CEP135: variants seen among roughly 807,000 people sequenced by gnomAD.
CEP135 encodes the protein centrosomal protein 135.
In CEP135, 142 loss-of-function variants were observed where a neutral mutation model predicts 157.3. The observed-to-expected ratio is 0.90, with a 90% CI of 0.79 to 1.04. The LOEUF (loss-of-function observed/expected upper bound fraction) is 1.04. Among genes scored for constraint, CEP135 ranks in the 50% least tolerant of loss-of-function variants. The pLI, the probability that CEP135 is intolerant of heterozygous loss-of-function variation, is 0.00. For missense variants in CEP135, 1,317 were observed against 1,309.2 expected (o/e 1.01, Z -0.09); for synonymous variants, 396 against 439.8 (o/e 0.90, Z 1.25).
chr4:55,958,724 G>C (rs1177408756), intron 5 of CEP135, among the ~76,000 whole-genome samples: 1 of 152,040 alleles, frequency 6.6e-6, no homozygotes, highest in East Asian at 1.9e-4. Context: ...GTTGGTTCCA[G>C]TTAACATCAG....
At chr4:56,019,282 G>T in intron 22 of CEP135, 71 bp from the exon 23 acceptor site, 1 of 1,203,942 alleles carries the variant, frequency 8.3e-7, no homozygotes. Context: ...GAGCTATATT[G>T]TCAGATAAAT....
At position 56,009,726 on chromosome 4, in the gene CEP135, A is replaced by G. The variant is rs376067398; in HGVS notation, c.2337-9A>G. 4.9e-5 allele frequency: 78 copies of G among 1,593,312 alleles called. No individual in the cohort carries two copies. The African/African-American group carries it at 9.0e-4, about 18-fold the overall frequency. ...TTTCTTTATTAGTTTCACATCACTCATTTAACAGCCAGCTGAAAGAAACAT... is the reference window on the plus strand; with the variant it reads ...TTTCTTTATTAGTTTCACATCACTCGTTTAACAGCCAGCTGAAAGAAACAT... On this transcript the variant is annotated splice_polypyrimidine_tract_variant and intron_variant, in intron 18 of 25. Coordinates refer to ENST00000257287, the MANE Select transcript of CEP135 (RefSeq NM_025009.5).
chr4:55,995,362 A>G (rs113011675), intron 15 of CEP135, among the ~76,000 whole-genome samples: 2 of 152,194 alleles, frequency 1.3e-5, no homozygotes, highest in Admixed American at 6.5e-5. Flanking sequence ...GCCTGAAGCC[A>G]TGGTTTTTAG....
chr4:55,992,216 C>A, intron 15 of CEP135, 131 bp downstream of exon 15: 1 of 719,738 alleles, frequency 1.4e-6, no homozygotes, highest in Admixed American at 3.9e-5. Context: ...AGTAGACTCA[C>A]CTGGGAGCTT....
chr4:56,010,046 G>A, intron 19 of CEP135, 143 bp downstream of exon 19: 1 of 943,390 alleles, frequency 1.1e-6, no homozygotes, highest in South Asian at 1.6e-5. Context: ...GTGTTTATCA[G>A]GGTATTAAAA....
rs772516456 is a variant in CEP135 at position 55,969,077 on chromosome 4, A to G, written c.1059A>G (p.Arg353=). Residue 353 remains arginine (R), a synonymous_variant, in exon 9 of 26, where the codon AGA becomes AGG. Coordinates refer to ENST00000257287, the MANE Select transcript of CEP135 (RefSeq NM_025009.5). Reference sequence around the variant, plus strand: ...TTTATTCCTAGAAAGAGATTAAAAGAAAGCTCTCTGAAATGCAGGATCTTG... The same window carrying G: ...TTTATTCCTAGAAAGAGATTAAAAGGAAGCTCTCTGAAATGCAGGATCTTG... ...ELGEAKKEIK[R]KLSEMQDLEE... is the part of the protein sequence containing the mutation. 26 of 1,612,498 alleles carry G rather than the reference A, an allele frequency of 1.6e-5. No individual in the cohort carries two copies. In the South Asian group the frequency reaches 2.8e-4, roughly 17 times the overall value.
chr4:55,972,105 G>A lies in CEP135; in HGVS notation c.1249+697G>A, dbSNP rs529784648. 3.3e-5 allele frequency among the ~76,000 whole-genome samples: 5 copies of A among 152,120 alleles called. No individual in the cohort carries two copies. The East Asian group carries it at 5.8e-4, about 18-fold the overall frequency. ...GTGGAGGTTGCAGTGAGCCTGAATCGTGCCACTGCACTCCAGCCTGGGTGA... is the reference window on the plus strand; with the variant it reads ...GTGGAGGTTGCAGTGAGCCTGAATCATGCCACTGCACTCCAGCCTGGGTGA... On this transcript the variant is annotated intron_variant, in intron 10 of 25. Coordinates refer to ENST00000257287, the MANE Select transcript of CEP135 (RefSeq NM_025009.5).
chr4:55,993,715 A>T (rs1729872053), intron 15 of CEP135, among the ~76,000 whole-genome samples: 1 of 152,190 alleles, frequency 6.6e-6, no homozygotes. Flanking sequence ...ATTATGGCTG[A>T]AACACCTCTT....
At chr4:56,014,089 G>A (rs1730685158) in intron 21 of CEP135, among the ~76,000 whole-genome samples, 1 of 152,156 alleles carries the variant, frequency 6.6e-6, no homozygotes, top group Non-Finnish European at 1.5e-5. Context: ...ATCTCCAGAA[G>A]GAACCAAACC....
chr4:55,997,980 T>G (rs1294600656), intron 15 of CEP135, among the ~76,000 whole-genome samples: 6 of 152,234 alleles, frequency 3.9e-5, no homozygotes, highest in African/African-American at 1.4e-4. Context: ...CAGTCCCAAC[T>G]TGACTCTCCT....
chr4:56,008,433 T>A, intron 18 of CEP135, 51 bp downstream of exon 18: 1 of 1,402,276 alleles, frequency 7.1e-7, no homozygotes, highest in South Asian at 1.2e-5. Context: ...TTTCAGTGAA[T>A]ACAGCTTTAT....
chr4:56,022,002 C>T (rs1178726991), intron 24 of CEP135, among the ~76,000 whole-genome samples: 3 of 152,046 alleles, frequency 2.0e-5, no homozygotes, highest in East Asian at 1.9e-4. Context: ...TGCCCTCCAG[C>T]CTGAGTAACA....
At chr4:55,990,940 G>A (rs1031926393) in intron 14 of CEP135, among the ~76,000 whole-genome samples, 5 of 151,472 alleles carry the variant, frequency 3.3e-5, no homozygotes, top group South Asian at 2.1e-4. Flanking sequence ...ATTTGCTTGC[G>A]CATTTGTATG....
intron 14 of CEP135, among the ~76,000 whole-genome samples, chr4:55,988,785 G>A (rs1299968545): frequency 2.0e-5 from 3 of 148,440 alleles, no homozygotes; most frequent in Non-Finnish European, 3.0e-5. Flanking sequence ...GTGAAACCCC[G>A]TCTCTACTAA....
Position 55,982,449 on chromosome 4 carries a change from T to G in CEP135, c.1779+1070T>G, listed in dbSNP as rs1260542724. The stretch of plus-strand genomic sequence containing the variant: ...TCACCATTACTTGGTACTATCTGCC[T>G]TTTGTATTATAGTCATTCTGGTGGG... On this transcript the variant is annotated intron_variant, in intron 13 of 25. Coordinates refer to ENST00000257287, the MANE Select transcript of CEP135 (RefSeq NM_025009.5). 2.0e-5 allele frequency among the ~76,000 whole-genome samples: 3 copies of G among 152,204 alleles called. No individual in the cohort carries two copies. In the East Asian group the frequency reaches 5.8e-4, roughly 29 times the overall value.
At chr4:56,007,710 TAGGGGAGATTTTCC>T (rs1464504549) in intron 17 of CEP135, among the ~76,000 whole-genome samples, 1 of 152,060 alleles carries the variant, frequency 6.6e-6, no homozygotes, top group Non-Finnish European at 1.5e-5. Flanking sequence ...AACCATGAGT[TAGGGGAGATTTTCC>T]AGGTACTTGG....
chr4:55,980,577 CTG>C (rs1729369157), intron 12 of CEP135, among the ~76,000 whole-genome samples: 1 of 152,168 alleles, frequency 6.6e-6, no homozygotes, highest in Non-Finnish European at 1.5e-5. Context: ...CAGCCTGACT[CTG>C]AGCCAAATTT....
intron 8 of CEP135, 93 bp from the exon 9 acceptor site, chr4:55,968,970 G>T (rs192916166): frequency 1.6e-4 from 140 of 860,624 alleles, no homozygotes; most frequent in Non-Finnish European, 2.4e-4. Context: ...AAGAGGGAAC[G>T]TGAAGTAATT....
Position 56,020,760 on chromosome 4 carries a change from C to A in CEP135, c.3300C>A (p.Ile1100=). 6.2e-7 allele frequency: 1 copy of A among 1,613,190 alleles called. No individual in the cohort carries two copies. The highest frequency in any genetic ancestry group is 1.3e-5 in the African/African-American group (1 of 75,018). ...QTDYDALKRQ[I]STERYERERA... ...ATTATGATGCTCTGAAAAGGCAGAT[C>A]TCAACTGAAAGATACGAACGGTAAG... Residue 1100 remains isoleucine, a synonymous_variant, in exon 24 of 26, where the codon ATC becomes ATA. Coordinates refer to ENST00000257287, the MANE Select transcript of CEP135 (RefSeq NM_025009.5).
Sources: gnomAD v4.1 joint callset for allele counts (sites outside exome capture counted in the v4.1 genomes callset) on GRCh38, gnomAD v4.1.1 for gene constraint, MANE v1.5 for transcripts, NCBI Gene and HGNC (gene_info 2026-07-23, HGNC 2026-07-21) for gene names.